The following ANO1 variants were observed in gnomAD, a reference collection of about 807,000 sequenced individuals.
ANO1 encodes anoctamin 1.
ANO1 carries 59 observed loss-of-function variants against 124.0 expected under a neutral mutation model. The observed-to-expected ratio is 0.48, with a 90% CI of 0.39 to 0.59. The LOEUF is 0.59. Ranked by LOEUF, ANO1 falls within the 20% of genes least tolerant of loss-of-function variation. The pLI is 0.00. For synonymous variants in ANO1, 529 were observed against 532.0 expected (o/e 0.99, Z 0.08); for missense variants, 1,059 against 1,328.0 (o/e 0.80, Z 3.15).
At chr11:70,175,350 C>T (rs543856796) in intron 22 of ANO1, among the ~76,000 whole-genome samples, 31 of 152,362 alleles carry the variant, frequency 2.0e-4, no homozygotes, top group Admixed American at 4.6e-4. Flanking sequence ...GTTCCTTAAC[C>T]GTAACCTTTC....
At chr11:70,116,619 G>A (rs1013895835) in intron 8 of ANO1, 120 bp downstream of exon 8, 57 of 875,090 alleles carry the variant, frequency 6.5e-5, no homozygotes, top group East Asian at 4.6e-4. Flanking sequence ...CAGGGCGCTC[G>A]CTGCAGGGGG....
upstream of ANO1, among the ~76,000 whole-genome samples, chr11:69,984,414 GA>G: frequency 7.5e-6 from 1 of 133,748 alleles, no homozygotes; most frequent in Non-Finnish European, 1.6e-5. Context: ...GGACTGAAAC[GA>G]GATCATTGCT....
chr11:70,017,943 T>C (rs1856732051), intron 1 of ANO1, among the ~76,000 whole-genome samples: 1 of 152,182 alleles, frequency 6.6e-6, no homozygotes. Context: ...TGATGGTCTC[T>C]GAGAGTTTTC....
chr11:70,119,898 G>A (rs920975380), intron 8 of ANO1, among the ~76,000 whole-genome samples: 1 of 152,172 alleles, frequency 6.6e-6, no homozygotes, highest in South Asian at 2.1e-4. Flanking sequence ...ATGATGGGTG[G>A]GTAGATGGAT....
intron 1 of ANO1, chr11:70,072,465 T>C (rs782005094): frequency 6.6e-6 from 1 of 152,232 alleles, no homozygotes; most frequent in African/African-American, 2.4e-5. Context: ...CATCTTTTAT[T>C]CCAACCACAG....
chr11:70,004,254 G>A (rs1856441647), intron 1 of ANO1, among the ~76,000 whole-genome samples: 1 of 151,756 alleles, frequency 6.6e-6, no homozygotes, highest in African/African-American at 2.4e-5. Flanking sequence ...GAGCTTTAGA[G>A]TAGTGAGATG....
At chr11:70,112,311 G>C (rs1467359227) in intron 7 of ANO1, among the ~76,000 whole-genome samples, 1 of 152,248 alleles carries the variant, frequency 6.6e-6, no homozygotes, top group Non-Finnish European at 1.5e-5. Flanking sequence ...GGGCCTCCGG[G>C]CCTGAGCAGT....
chr11:70,027,074 A>T (rs60734644), intron 1 of ANO1, among the ~76,000 whole-genome samples: 88 of 151,876 alleles, frequency 5.8e-4, no homozygotes, highest in Non-Finnish European at 4.9e-4. Context: ...ACAGCAACAC[A>T]CTCCACTGGA....
At chr11:70,029,904 T>C (rs1357250904) in intron 1 of ANO1, among the ~76,000 whole-genome samples, 4 of 152,172 alleles carry the variant, frequency 2.6e-5, no homozygotes, top group Non-Finnish European at 2.9e-5. Context: ...GTGTCCTGTG[T>C]CCAAATTTCC....
intron 1 of ANO1, among the ~76,000 whole-genome samples, chr11:70,084,681 A>G (rs1235518541): frequency 6.6e-6 from 1 of 152,060 alleles, no homozygotes; most frequent in Non-Finnish European, 1.5e-5. Flanking sequence ...GCTGCCCCAC[A>G]CTGTCCAGAC....
rs888821471 is a variant in ANO1, at chr11:70,116,360, G to A, written c.856-98G>A. The A allele has an allele frequency of 6.1e-5, 75 of 1,238,456 alleles. No homozygotes were observed. In the African/African-American group the frequency reaches 8.6e-4, roughly 14 times the overall value. The allele number at this position is 1,238,456 out of a possible 1,614,324, so 76.7% of individuals were successfully genotyped here. The stretch of plus-strand genomic sequence containing the variant: ...CAGGATGATCTTAATTTGTGTCAAC[G>A]AGAGCTGCTGGGGTTTATGTTTTGA... On this transcript the variant is annotated intron_variant, in intron 7 of 25. Transcript: ENST00000355303.
intron 7 of ANO1, among the ~76,000 whole-genome samples, chr11:70,113,410 C>T (rs2045864530): frequency 1.3e-5 from 2 of 152,180 alleles, no homozygotes; most frequent in African/African-American, 2.4e-5. Context: ...AGAGTTCAGG[C>T]CCCTAGACCA....
chr11:69,999,972 G>A (rs1214629131), intron 1 of ANO1, among the ~76,000 whole-genome samples: 1 of 152,130 alleles, frequency 6.6e-6, no homozygotes, highest in Non-Finnish European at 1.5e-5. Context: ...TCAGAGCACG[G>A]CCCATACTGC....
the ANO1 span, among the ~76,000 whole-genome samples, chr11:69,970,858 C>T: frequency 6.6e-6 from 1 of 152,192 alleles, no homozygotes; most frequent in Non-Finnish European, 1.5e-5. Flanking sequence ...GGATATCCAC[C>T]TTGTGGCCCA....
rs200770702 is a variant in ANO1, at chr11:70,052,531, C to CTTTTTTTTTTTTT, written c.59-25985_59-25973dup. Among the ~76,000 whole-genome samples, 26 of 65,904 alleles carry CTTTTTTTTTTTTT rather than the reference C, an allele frequency of 3.9e-4. 2 individuals are homozygous for CTTTTTTTTTTTTT. The highest frequency in any genetic ancestry group is 7.9e-4 in the Admixed American group (5 of 6,322). The allele number at this position is 65,904 out of a possible 152,430, so 43.2% of individuals were successfully genotyped here. A position where few individuals can be genotyped will look rare whatever the true frequency, so the allele number is the denominator to read the frequency against. On this transcript the variant is annotated intron_variant, in intron 1 of 27. Coordinates refer to the ANO1 transcript ENST00000531349. ...TTTGGGGAGAATTTCTTTTTCTTTT[C>CTTTTTTTTTTTTT]TTTTTTTTTTTTTTTTTTTTTTTTT...
the ANO1 span, among the ~76,000 whole-genome samples, chr11:69,972,551 G>A: frequency 3.3e-5 from 5 of 152,120 alleles, no homozygotes; most frequent in South Asian, 2.1e-4. Flanking sequence ...GATATGTATC[G>A]TCTTCCTGGA....
chr11:70,095,495 T>G lies in ANO1; in HGVS notation c.441+7411T>G, dbSNP rs185321186. Reference sequence around the variant, plus strand: ...TTTTTAAAAATTCATGTTTTTAAAGTGACCCCAAGACCATCATTGCACAGC... The same window carrying G: ...TTTTTAAAAATTCATGTTTTTAAAGGGACCCCAAGACCATCATTGCACAGC... On this transcript the variant is annotated intron_variant, in intron 2 of 25. Coordinates refer to ENST00000355303, the MANE Select transcript of ANO1 (RefSeq NM_018043.7). Among the ~76,000 whole-genome samples, 9 of 152,314 alleles carry G rather than the reference T, an allele frequency of 5.9e-5. No individual in the cohort carries two copies. The East Asian group carries it at 1.4e-3, about 23-fold the overall frequency.
At chr11:69,966,858 A>G in the ANO1 span, among the ~76,000 whole-genome samples, 1 of 152,182 alleles carries the variant, frequency 6.6e-6, no homozygotes, top group African/African-American at 2.4e-5. Context: ...AGGGCCTGAC[A>G]GTGGGTGAGT....
the ANO1 span, among the ~76,000 whole-genome samples, chr11:69,979,626 A>G: frequency 2.0e-5 from 3 of 152,356 alleles, no homozygotes; most frequent in South Asian, 6.2e-4. Context: ...GATATCAAGT[A>G]TGCGGGACTC....
Sources: allele counts gnomAD v4.1 joint callset (sites outside exome capture counted in the v4.1 genomes callset), GRCh38; gene constraint gnomAD v4.1.1; transcripts MANE v1.5; gene names NCBI Gene and HGNC (gene_info 2026-07-23, HGNC 2026-07-21).